TMEM117: variants seen among roughly 807,000 people sequenced by gnomAD.
TMEM117 encodes transmembrane protein 117.
In TMEM117, 27 loss-of-function variants were observed where a neutral mutation model predicts 52.4. That is an observed-to-expected ratio of 0.51 (90% CI 0.38 to 0.71). The LOEUF (loss-of-function observed/expected upper bound fraction) is 0.71, where lower values mean the gene tolerates loss of function less well. Among genes scored for constraint, TMEM117 ranks in the 30% least tolerant of loss-of-function variants. The pLI is 0.00. For missense variants in TMEM117, 556 were observed against 630.5 expected, an observed-to-expected ratio of 0.88 and a Z score of 1.26; for synonymous variants, 215 against 206.3, an observed-to-expected ratio of 1.04 and a Z score of -0.36.
At chr12:43,839,396 C>T (rs1264067199) in intron 1 of TMEM117, among the ~76,000 whole-genome samples, 1 of 152,158 alleles carries the variant, frequency 6.6e-6, no homozygotes. Flanking sequence ...TACTCCCCTG[C>T]ACCTGCTCCC....
chr12:44,048,736 A>G (rs996823363), intron 3 of TMEM117, among the ~76,000 whole-genome samples: 1 of 152,214 alleles, frequency 6.6e-6, no homozygotes, highest in Non-Finnish European at 1.5e-5. Context: ...GTTGGCCAAG[A>G]CAGCGTGGGT....
At chr12:44,061,145 G>T (rs1164804348) in intron 3 of TMEM117, among the ~76,000 whole-genome samples, 3 of 152,188 alleles carry the variant, frequency 2.0e-5, no homozygotes. Flanking sequence ...TATTGCAGGG[G>T]ATTAGGGAGT....
rs538094123 is a variant in TMEM117 at position 44,219,514 on chromosome 12, A to C, written c.608+8127A>C. Among the ~76,000 whole-genome samples, 5 of 152,306 alleles carry C rather than the reference A, an allele frequency of 3.3e-5. No homozygotes were observed. The South Asian group carries it at 1.0e-3, about 32-fold the overall frequency. On this transcript the variant is annotated intron_variant, in intron 5 of 7. Transcript: ENST00000266534. ...CAGTATATAGTTCAATTTGCCAGTA[A>C]AACATGATGTATTACCAGAAACTTC...
At chr12:43,807,230 TGAA>T in the TMEM117 span, among the ~76,000 whole-genome samples, 294 of 152,290 alleles carry the variant, frequency 1.9e-3, 3 homozygotes, top group East Asian at 0.018. Context: ...AATCTGCTAA[TGAA>T]GAAATAATTT....
chr12:44,349,691 T>C (rs1311979131), intron 6 of TMEM117, among the ~76,000 whole-genome samples: 2 of 152,054 alleles, frequency 1.3e-5, no homozygotes, highest in Non-Finnish European at 2.9e-5. Flanking sequence ...GCTTAACCTG[T>C]CAACTTTTCC....
At chr12:44,381,275 A>C (rs967190616) in intron 7 of TMEM117, among the ~76,000 whole-genome samples, 5 of 152,224 alleles carry the variant, frequency 3.3e-5, no homozygotes, top group Non-Finnish European at 5.9e-5. Context: ...GCCCAAGTTC[A>C]TTGTTCTCCT....
chr12:44,382,798 G>A (rs1952038297), intron 7 of TMEM117, among the ~76,000 whole-genome samples: 1 of 152,100 alleles, frequency 6.6e-6, no homozygotes, highest in Non-Finnish European at 1.5e-5. Flanking sequence ...AAATAATTAT[G>A]ACTACTTCAT....
At chr12:43,822,608 A>G in the TMEM117 span, among the ~76,000 whole-genome samples, 1 of 151,946 alleles carries the variant, frequency 6.6e-6, no homozygotes, top group African/African-American at 2.4e-5. Flanking sequence ...TCTATATGGT[A>G]GTATAATAAA....
intron 6 of TMEM117, among the ~76,000 whole-genome samples, chr12:44,331,989 A>G (rs17094458): frequency 0.028 from 4,250 of 152,182 alleles, 97 homozygotes; most frequent in African/African-American, 0.055. Flanking sequence ...TAATGTGTGA[A>G]TGCCTACCAA....
At chr12:44,321,264 ATTGT>A (rs1368148101) in intron 6 of TMEM117, among the ~76,000 whole-genome samples, 4 of 152,118 alleles carry the variant, frequency 2.6e-5, no homozygotes, top group Non-Finnish European at 5.9e-5. Flanking sequence ...CCCAGAGTAG[ATTGT>A]TTGTGCTGAC....
intron 5 of TMEM117, among the ~76,000 whole-genome samples, chr12:44,224,851 C>G (rs1322743915): frequency 1.3e-5 from 2 of 152,034 alleles, no homozygotes; most frequent in Non-Finnish European, 2.9e-5. Flanking sequence ...TTTTGCTCTC[C>G]CCAAGCCCAT....
intron 3 of TMEM117, among the ~76,000 whole-genome samples, chr12:44,103,227 CTTT>C (rs772854739): frequency 7.0e-6 from 1 of 143,866 alleles, no homozygotes. Flanking sequence ...AACTCCATAT[CTTT>C]TTTTTTTTTT....
chr12:43,890,749 C>T (rs2137476711), intron 2 of TMEM117, among the ~76,000 whole-genome samples: 1 of 152,174 alleles, frequency 6.6e-6, no homozygotes, highest in Non-Finnish European at 1.5e-5. Flanking sequence ...CCAGGCTGGT[C>T]TTGAACTCCT....
intron 3 of TMEM117, among the ~76,000 whole-genome samples, chr12:44,080,367 A>ATATCATGAGAACTCAC (rs1378845866): frequency 6.6e-6 from 1 of 152,138 alleles, no homozygotes; most frequent in African/African-American, 2.4e-5. Flanking sequence ...AAATCATCAG[A>ATATCATGAGAACTCAC]TATCATGAGA....
intron 7 of TMEM117, among the ~76,000 whole-genome samples, chr12:44,385,197 C>T (rs1952072460): frequency 6.6e-6 from 1 of 152,144 alleles, no homozygotes; most frequent in Non-Finnish European, 1.5e-5. Flanking sequence ...CTTTTACAAA[C>T]CAGTAAAGAT....
At chr12:43,970,444 A>G (rs775328778) in intron 3 of TMEM117, among the ~76,000 whole-genome samples, 28 of 151,868 alleles carry the variant, frequency 1.8e-4, no homozygotes, top group Admixed American at 5.2e-4. Context: ...ATCTGCCACC[A>G]CACCTGGCTA....
At chr12:44,359,218 AAGT>A (rs1426638181) in intron 6 of TMEM117, among the ~76,000 whole-genome samples, 46 of 152,206 alleles carry the variant, frequency 3.0e-4, no homozygotes, top group Non-Finnish European at 1.0e-4. Flanking sequence ...CAAAAAAAAA[AAGT>A]AAAAGAATTG....
chr12:44,320,773 A>T (rs115115478), intron 6 of TMEM117, among the ~76,000 whole-genome samples: 1,841 of 152,276 alleles, frequency 0.012, 46 homozygotes, highest in African/African-American at 0.042. Context: ...GTTCATGGCA[A>T]TTTTTAAATA....
chr12:44,056,543 G>A (rs1438306684), intron 3 of TMEM117, among the ~76,000 whole-genome samples: 2 of 152,000 alleles, frequency 1.3e-5, no homozygotes, highest in Non-Finnish European at 2.9e-5. Flanking sequence ...TAGTAATTAT[G>A]GGTGTTAGAA....
Sources: gnomAD v4.1 joint callset for allele counts (sites outside exome capture counted in the v4.1 genomes callset) on GRCh38, gnomAD v4.1.1 for gene constraint, MANE v1.5 for transcripts, NCBI Gene and HGNC (gene_info 2026-07-23, HGNC 2026-07-21) for gene names.